SF3B4: variants seen among roughly 807,000 people sequenced by gnomAD.
SF3B4 encodes SAP 49.
In SF3B4, 3 loss-of-function variants were observed where a neutral mutation model predicts 34.3. That is an observed-to-expected ratio of 0.09 (90% CI 0.04 to 0.23). SF3B4 has a LOEUF of 0.23. Among genes scored for constraint, SF3B4 ranks in the 10% least tolerant of loss-of-function variants. The pLI, the probability that SF3B4 is intolerant of heterozygous loss-of-function variation, is 1.00. For synonymous variants in SF3B4, 216 were observed against 207.8 expected (o/e 1.04, Z -0.34); for missense variants, 283 against 567.2 (o/e 0.50, Z 5.09).
At position 149,923,959 on chromosome 1, in the gene SF3B4, G is replaced by A. The variant is rs374721221; in HGVS notation, c.969C>T (p.His323=). 214 of 1,583,580 alleles carry A rather than the reference G, an allele frequency of 1.4e-4. 1 individual carries two copies. The South Asian group carries it at 2.1e-3, about 15-fold the overall frequency. The part of the protein sequence containing the change: ...HHGPHGLGHP[H]AGPPGSGGQP... ...GGCCCCCAGAGCCTGGGGGTCCAGC[G>A]TGGGGATGTCCTAAGCCATGAGGGC... Residue 323 remains histidine, a synonymous_variant, in exon 5 of 6, where the codon CAC becomes CAT. Transcript: ENST00000271628.
At chr1:149,927,096 G>GT in intron 2 of SF3B4, 70 bp downstream of exon 2, 10 of 1,577,832 alleles carry the variant, frequency 6.3e-6, no homozygotes, top group Non-Finnish European at 8.6e-6. Context: ...GGTTGCTCAT[G>GT]TTATTCCAAA....
At position 149,926,955 on chromosome 1, in the gene SF3B4, T is replaced by C; in HGVS notation, c.164-37A>G. The C allele has an allele frequency of 6.5e-7, 1 of 1,550,200 alleles. No individual in the cohort carries two copies. The highest frequency in any genetic ancestry group is 8.7e-7 in the Non-Finnish European group (1 of 1,149,880). Reference sequence around the variant, plus strand: ...GAGAAGAGGAGGTTAACAACGTAAGTAAAGAGACTGAAAATGGGGTAAAAT... The same window carrying C: ...GAGAAGAGGAGGTTAACAACGTAAGCAAAGAGACTGAAAATGGGGTAAAAT... On this transcript the variant is annotated intron_variant, in intron 2 of 5. Coordinates refer to ENST00000271628, the MANE Select transcript of SF3B4 (RefSeq NM_005850.5). This position sits in a 1 kb window ranked among gnomAD's most constrained non-coding sequence, Gnocchi z 6.2.
chr1:149,927,382 G>C (rs2092596714), intron 1 of SF3B4, 88 bp from the exon 2 acceptor site: 2 of 1,529,920 alleles, frequency 1.3e-6, no homozygotes, highest in Non-Finnish European at 1.8e-6. Context: ...ACCCAACCAG[G>C]GGAACTGGGG....
In SF3B4 at chr1:149,923,490, A is replaced by C. The variant is rs1187909792; in HGVS notation, c.*52T>G. On this transcript the variant is annotated 3_prime_UTR_variant, in exon 6 of 6. Coordinates refer to ENST00000271628, the MANE Select transcript of SF3B4 (RefSeq NM_005850.5). Reference sequence around the variant, plus strand: ...AGCTACAGCATCTCTGATTGGTCCAAGGAATAGAAAAGATATTGGGAAAAT... The same window carrying C: ...AGCTACAGCATCTCTGATTGGTCCACGGAATAGAAAAGATATTGGGAAAAT... 1.4e-6 allele frequency: 2 copies of C among 1,441,234 alleles called. No individual in the cohort carries two copies. The highest frequency in any genetic ancestry group is 2.3e-5 in the Admixed American group (1 of 43,132). 89.3% of individuals were successfully genotyped at this position (1,441,234 alleles called of 1,614,324 possible). A position where few individuals can be genotyped will look rare whatever the true frequency, so the allele number is the denominator to read the frequency against.
At position 149,927,209 on chromosome 1, in the gene SF3B4, G is replaced by A; in HGVS notation, c.120C>T (p.Val40=). 1.2e-6 allele frequency: 2 copies of A among 1,614,108 alleles called. No homozygotes were observed. The highest frequency in any genetic ancestry group is 8.5e-7 in the Non-Finnish European group (1 of 1,180,034). ...CTCTATCCTTTGGCATGTGGGTGTT[G>A]ACTACTGGTCCAGCCTGGAGAAACA... ...WELFLQAGPV[V]NTHMPKDRVT... is the part of the protein sequence containing the mutation. Residue 40 remains valine, a synonymous_variant, in exon 2 of 6, where the codon GTC becomes GTT. Transcript: ENST00000271628.
In SF3B4 at chr1:149,924,012, T is replaced by A; in HGVS notation, c.916A>T (p.Met306Leu). The A allele has an allele frequency of 2.6e-6, 4 of 1,534,272 alleles. No homozygotes were observed. Among genetic ancestry groups the A allele is most frequent in the Non-Finnish European group, 3.5e-6 (4 of 1,150,010 alleles). ...TGGTGTGCAAGCTGCATCTGAGACA[T>A]CCCTATGAAAATAAAATAGACACAA... ...FPPGGMPHPG[M>L]SQMQLAHHGP... Residue 306 changes from methionine to leucine, a missense_variant and splice_region_variant, in exon 5 of 6, where the codon ATG (methionine) becomes TTG (leucine). Met to Leu is a conservative substitution (Grantham distance 15, BLOSUM62 2). Around this residue, in one of 4 missense-constraint regions of SF3B4, gnomAD observed 208 missense variants for 292.6 expected, o/e 0.71. Transcript: ENST00000271628.
At chr1:149,925,546 C>T (rs1487145559) in intron 4 of SF3B4, 15 of 403,696 alleles carry the variant, frequency 3.7e-5, no homozygotes, top group Middle Eastern at 7.1e-4. Context: ...GAAGCGTCCC[C>T]GAGATTTGGC....
chr1:149,925,469 C>G (rs2092583923), intron 4 of SF3B4, among the ~76,000 whole-genome samples: 1 of 151,364 alleles, frequency 6.6e-6, no homozygotes, highest in South Asian at 2.1e-4. Context: ...CAAAAAGAGA[C>G]AAGAATTTCA....
At position 149,925,313 on chromosome 1, in the gene SF3B4, C is replaced by A. The variant is rs1050874942; in HGVS notation, c.913+523G>T. ...GGACTAGAGATACAGACCTAGGAGG[C>A]ATCAGTATATACCCAATTAAAACTA... On this transcript the variant is annotated intron_variant, in intron 4 of 5. Transcript: ENST00000271628. 2.0e-5 allele frequency among the ~76,000 whole-genome samples: 3 copies of A among 152,026 alleles called. No homozygotes were observed. The South Asian group carries it at 6.2e-4, about 32-fold the overall frequency.
chr1:149,924,924 G>C (rs781835806), intron 4 of SF3B4, among the ~76,000 whole-genome samples: 3 of 152,198 alleles, frequency 2.0e-5, no homozygotes, highest in Non-Finnish European at 4.4e-5. Flanking sequence ...GAGCAACAGA[G>C]GAATTCTGAG....
intron 1 of SF3B4, 88 bp from the exon 2 acceptor site, chr1:149,927,382 G>T: frequency 6.5e-7 from 1 of 1,530,038 alleles, no homozygotes; most frequent in East Asian, 2.3e-5. Context: ...ACCCAACCAG[G>T]GGAACTGGGG....
chr1:149,924,959 A>C (rs1198423083), intron 4 of SF3B4, among the ~76,000 whole-genome samples: 1 of 152,186 alleles, frequency 6.6e-6, no homozygotes, highest in Non-Finnish European at 1.5e-5. Context: ...TCTGTGTCTT[A>C]AAAGACCTAC....
rs587714733 is a variant in SF3B4, at chr1:149,926,990, C to A, written c.164-72G>T. Reference sequence around the variant, plus strand: ...GAAAATGGGGTAAAATTCATCTACCCTCTAATCACAAAGAACAAGAAAGAA... The same window carrying A: ...GAAAATGGGGTAAAATTCATCTACCATCTAATCACAAAGAACAAGAAAGAA... On this transcript the variant is annotated intron_variant, in intron 2 of 5. Coordinates refer to ENST00000271628, the MANE Select transcript of SF3B4 (RefSeq NM_005850.5). This position sits in a 1 kb window ranked among gnomAD's most constrained non-coding sequence, Gnocchi z 6.2. 2.7e-6 allele frequency: 4 copies of A among 1,475,780 alleles called. No homozygotes were observed. In the Admixed American group the frequency reaches 8.8e-5, roughly 32 times the overall value. The allele number at this position is 1,475,780 out of a possible 1,614,324, so 91.4% of individuals were successfully genotyped here.
intron 4 of SF3B4, 25 bp downstream of exon 4, chr1:149,925,806 TCCCTC>T: frequency 1.3e-6 from 2 of 1,566,478 alleles, no homozygotes; most frequent in Non-Finnish European, 1.8e-6. Flanking sequence ...ACCAAGCTCT[TCCCTC>T]CCTTTCCCAA....
At position 149,923,582 on chromosome 1, in the gene SF3B4, A is replaced by T. The variant is rs782479052; in HGVS notation, c.1235T>A (p.Val412Asp). ...GCCTCGAAGTGGGCCTCGAGGGGGA[A>T]CTGGTGGCCGGGGAGTGGGTCTGGG... Reference protein sequence around the residue: ...PPPRPTPRPPVPPRGPLRGPL... With the variant: ...PPPRPTPRPPDPPRGPLRGPL... The change falls in exon 6 of 6, where the codon GTT becomes GAT. Residue 412 changes from valine to aspartate, a missense_variant. Val to Asp is a radical substitution (Grantham distance 152, BLOSUM62 -3). Around this residue, in one of 4 missense-constraint regions of SF3B4, gnomAD observed 208 missense variants for 292.6 expected, o/e 0.71. Coordinates refer to ENST00000271628, the MANE Select transcript of SF3B4 (RefSeq NM_005850.5). The T allele has an allele frequency of 6.4e-7, 1 of 1,560,920 alleles. No individual in the cohort carries two copies. Among genetic ancestry groups the T allele is most frequent in the Non-Finnish European group, 8.6e-7 (1 of 1,163,700 alleles).
chr1:149,926,353 C>T lies in SF3B4; in HGVS notation c.706+23G>A, dbSNP rs782292288. 1.3e-6 allele frequency: 2 copies of T among 1,577,676 alleles called. No homozygotes were observed. The highest frequency in any genetic ancestry group is 4.5e-5 in the East Asian group (2 of 44,400). ...CCCTCTCCCCCAACCTTAAGACAAACATATTTTAACCAAAAGCTTTACCTG... is the reference window on the plus strand; with the variant it reads ...CCCTCTCCCCCAACCTTAAGACAAATATATTTTAACCAAAAGCTTTACCTG... On this transcript the variant is annotated intron_variant, in intron 3 of 5. Transcript: ENST00000271628. The surrounding 1 kb of genome is among the most constrained non-coding windows in gnomAD (Gnocchi z 6.2).
Position 149,924,687 on chromosome 1 carries a change from G to A in SF3B4, c.914-673C>T, listed in dbSNP as rs188516075. The stretch of plus-strand genomic sequence containing the variant: ...TCTAAGCAAAGATCTAATTCTAAAG[G>A]ATGAATACTTCAGGAGGATAAGATC... On this transcript the variant is annotated intron_variant, in intron 4 of 5. Transcript: ENST00000271628. Among the ~76,000 whole-genome samples, 10 of 152,268 alleles carry A rather than the reference G, an allele frequency of 6.6e-5. No individual in the cohort carries two copies. In the East Asian group the frequency reaches 1.9e-3, roughly 29 times the overall value.
chr1:149,927,569 G>C, intron 1 of SF3B4, 157 bp downstream of exon 1: 2 of 988,094 alleles, frequency 2.0e-6, no homozygotes, highest in Non-Finnish European at 3.0e-6. Flanking sequence ...GCCTCAGCCA[G>C]CACCCGGCCA....
At position 149,925,990 on chromosome 1, in the gene SF3B4, G is replaced by A. The variant is rs1553765974; in HGVS notation, c.759C>T (p.Leu253=). ...FPPPVPPPGA[L]PPGIPPAMPP... is the part of the protein sequence containing the mutation. ...GCATGGCTGGGGGTATCCCAGGTGG[G>A]AGGGCTCCAGGAGGTGGCACTGGGG... The change falls in exon 4 of 6, where the codon CTC becomes CTT. Residue 253 remains leucine (L), a synonymous_variant. Coordinates refer to ENST00000271628, the MANE Select transcript of SF3B4 (RefSeq NM_005850.5). The A allele has an allele frequency of 5.3e-6, 8 of 1,511,424 alleles. No homozygotes were observed. Among genetic ancestry groups the A allele is most frequent in the Non-Finnish European group, 7.1e-6 (8 of 1,128,088 alleles). 93.6% of individuals were successfully genotyped at this position (1,511,424 alleles called of 1,614,324 possible). A position where few individuals can be genotyped will look rare whatever the true frequency, so the allele number is the denominator to read the frequency against.
Sources: allele counts gnomAD v4.1 joint callset (sites outside exome capture counted in the v4.1 genomes callset), GRCh38; gene constraint gnomAD v4.1.1; regional missense constraint gnomAD v4.1.1; non-coding constraint Gnocchi (gnomAD v3.1); transcripts MANE v1.5; gene names NCBI Gene and HGNC (gene_info 2026-07-23, HGNC 2026-07-21).